UBE3D: variants seen among roughly 807,000 people sequenced by gnomAD.
UBE3D encodes ubiquitin protein ligase E3D.
Under a neutral mutation model 49.6 loss-of-function variants are expected in UBE3D, and 48 were observed. The ratio of observed to expected loss-of-function variants is 0.97; its 90% CI spans 0.77 to 1.23. The LOEUF (loss-of-function observed/expected upper bound fraction) is 1.23, where lower values mean the gene tolerates loss of function less well. Ranked by LOEUF, UBE3D falls within the 50% of genes most tolerant of loss-of-function variation. The pLI is 0.00. For synonymous variants in UBE3D, 189 were observed against 174.2 expected (o/e 1.08, Z -0.67); for missense variants, 452 against 468.4 (o/e 0.96, Z 0.32).
intron 4 of UBE3D, among the ~76,000 whole-genome samples, chr6:83,040,732 A>C (rs1782613968): frequency 6.6e-6 from 1 of 152,180 alleles, no homozygotes; most frequent in South Asian, 2.1e-4. Context: ...TCCTGGCTCA[A>C]ACTTTTATCC....
At chr6:83,045,213 T>C (rs1169216612) in intron 3 of UBE3D, among the ~76,000 whole-genome samples, 2 of 151,964 alleles carry the variant, frequency 1.3e-5, no homozygotes, top group African/African-American at 2.4e-5. Flanking sequence ...ACTATATGCA[T>C]ATTTTAAAAC....
intron 9 of UBE3D, among the ~76,000 whole-genome samples, chr6:82,897,208 G>A (rs1274606998): frequency 6.6e-6 from 1 of 151,994 alleles, no homozygotes; most frequent in Non-Finnish European, 1.5e-5. Context: ...TTTTTGTCCA[G>A]TGCATGTTCA....
intron 9 of UBE3D, among the ~76,000 whole-genome samples, chr6:82,906,217 C>T (rs1772089837): frequency 6.6e-6 from 1 of 152,110 alleles, no homozygotes. Flanking sequence ...GTCTTTTACA[C>T]TGCTTTTAAT....
At chr6:82,919,240 T>G (rs1463732751) in intron 9 of UBE3D, among the ~76,000 whole-genome samples, 3 of 152,002 alleles carry the variant, frequency 2.0e-5, no homozygotes, top group Non-Finnish European at 2.9e-5. Context: ...TAAGTATTAA[T>G]AAGAAGAGGG....
intron 9 of UBE3D, among the ~76,000 whole-genome samples, chr6:82,934,042 T>C (rs1226993045): frequency 1.3e-5 from 2 of 152,142 alleles, no homozygotes; most frequent in Admixed American, 1.3e-4. Context: ...GTTGAGGGAG[T>C]GTCCTGGTAG....
At chr6:83,021,967 T>C (rs1056809059) in intron 7 of UBE3D, among the ~76,000 whole-genome samples, 5 of 152,140 alleles carry the variant, frequency 3.3e-5, no homozygotes, top group Admixed American at 2.0e-4. Flanking sequence ...ACCTAGTACA[T>C]AGAGGCACTT....
In UBE3D at chr6:83,024,489, C is replaced by T. The variant is rs142270701; in HGVS notation, c.668-451G>A. ...TTGGTCTTTTCTACCATAATAGCCT[C>T]AATACACACTTTGGGGAACTAACGT... On this transcript the variant is annotated intron_variant, in intron 5 of 9. Transcript: ENST00000369747. Among the ~76,000 whole-genome samples, 781 of 152,256 alleles carry T rather than the reference C, an allele frequency of 5.1e-3. 7 individuals carry two copies. The highest frequency in any genetic ancestry group is 0.018 in the African/African-American group (739 of 41,552).
chr6:83,052,141 A>G (rs1465186556), intron 3 of UBE3D, among the ~76,000 whole-genome samples: 2 of 151,996 alleles, frequency 1.3e-5, no homozygotes, highest in Non-Finnish European at 2.9e-5. Context: ...CAACCATATG[A>G]GGTAGGTCCT....
chr6:82,981,734 GA>G (rs896772263), intron 8 of UBE3D, among the ~76,000 whole-genome samples: 1 of 151,824 alleles, frequency 6.6e-6, no homozygotes, highest in Non-Finnish European at 1.5e-5. Context: ...AATTGCCTTA[GA>G]AAAAAGCTTT....
chr6:82,923,743 A>T (rs1773534543), intron 9 of UBE3D, among the ~76,000 whole-genome samples: 1 of 152,210 alleles, frequency 6.6e-6, no homozygotes, highest in Non-Finnish European at 1.5e-5. Context: ...AAAGAGGAAC[A>T]TCTGTTACTT....
At chr6:82,895,774 T>G (rs1375999333) in intron 9 of UBE3D, among the ~76,000 whole-genome samples, 1 of 152,204 alleles carries the variant, frequency 6.6e-6, no homozygotes, top group East Asian at 1.9e-4. Flanking sequence ...AGAAATTGAT[T>G]TCTAATCCAT....
chr6:83,044,322 G>T, intron 4 of UBE3D, 106 bp downstream of exon 4: 2 of 1,010,280 alleles, frequency 2.0e-6, no homozygotes, highest in Non-Finnish European at 1.5e-6. Flanking sequence ...ATGAATTTTG[G>T]CCTTTACAGC....
chr6:82,965,030 T>A (rs1179194655), intron 8 of UBE3D, among the ~76,000 whole-genome samples: 3 of 152,168 alleles, frequency 2.0e-5, no homozygotes, highest in East Asian at 3.9e-4. Flanking sequence ...ATTAAAGGGA[T>A]CTTGAGAGAA....
intron 5 of UBE3D, among the ~76,000 whole-genome samples, chr6:83,033,360 G>C (rs1782015424): frequency 6.6e-6 from 1 of 152,040 alleles, no homozygotes; most frequent in Non-Finnish European, 1.5e-5. Flanking sequence ...TATTTTATGA[G>C]ATTTAAAGGA....
At chr6:82,893,070 C>T (rs546541732) in intron 9 of UBE3D, 28 bp from the exon 10 acceptor site, 4 of 1,612,812 alleles carry the variant, frequency 2.5e-6, no homozygotes, top group African/African-American at 1.3e-5. Context: ...ACCCACAATG[C>T]TTTACTTCTA....
chr6:82,946,459 C>A (rs532542600), intron 9 of UBE3D, among the ~76,000 whole-genome samples: 6 of 152,044 alleles, frequency 3.9e-5, no homozygotes, highest in South Asian at 2.1e-4. Flanking sequence ...CCCAGACAAA[C>A]AACAACTGAG....
intron 8 of UBE3D, among the ~76,000 whole-genome samples, chr6:82,965,724 A>AT (rs1776871288): frequency 1.3e-5 from 2 of 152,158 alleles, no homozygotes; most frequent in Admixed American, 6.5e-5. Flanking sequence ...ACTTCTTCAG[A>AT]TTTTAAAGAA....
chr6:82,941,765 CTGGCATTTCCCCTGT>C (rs1775033310), intron 9 of UBE3D, among the ~76,000 whole-genome samples: 3 of 152,166 alleles, frequency 2.0e-5, no homozygotes, highest in African/African-American at 7.2e-5. Flanking sequence ...TTATAAGCAT[CTGGCATTTCCCCTGT>C]TGGCACTCAT....
At chr6:82,961,710 C>T (rs1392662457) in intron 8 of UBE3D, among the ~76,000 whole-genome samples, 1 of 152,110 alleles carries the variant, frequency 6.6e-6, no homozygotes, top group South Asian at 2.1e-4. Flanking sequence ...GTATTTTGAT[C>T]TTTTTTTAAG....
Sources: allele counts gnomAD v4.1 joint callset (sites outside exome capture counted in the v4.1 genomes callset), GRCh38; gene constraint gnomAD v4.1.1; transcripts MANE v1.5; gene names NCBI Gene and HGNC (gene_info 2026-07-23, HGNC 2026-07-21).